STPG2: variants seen among roughly 807,000 people sequenced by gnomAD.
STPG2 encodes sperm tail PG-rich repeat containing 2, also known as sperm-tail PG-rich repeat-containing protein 2.
A neutral mutation model predicts 54.2 loss-of-function variants in STPG2; 56 were observed. The ratio of observed to expected loss-of-function variants is 1.03; its 90% CI spans 0.83 to 1.29. The LOEUF (loss-of-function observed/expected upper bound fraction) is 1.29, where lower values mean the gene tolerates loss of function less well. Among genes scored for constraint, STPG2 ranks in the 50% most tolerant of loss-of-function variants. STPG2 has a pLI of 0.00. For synonymous variants in STPG2, 200 were observed against 181.8 expected, an observed-to-expected ratio of 1.10 and a Z score of -0.81; for missense variants, 596 against 544.9, an observed-to-expected ratio of 1.09 and a Z score of -0.93.
chr4:97,987,318 G>C (rs1291088707), intron 5 of STPG2, among the ~76,000 whole-genome samples: 34 of 152,078 alleles, frequency 2.2e-4, no homozygotes, highest in Non-Finnish European at 5.9e-5. Context: ...GACTTCTCTA[G>C]TTCTTCCATT....
intron 8 of STPG2, among the ~76,000 whole-genome samples, chr4:97,851,738 T>G (rs2149131480): frequency 6.6e-6 from 1 of 152,306 alleles, no homozygotes; most frequent in African/African-American, 2.4e-5. Context: ...TAATATTTAA[T>G]GTGAGATGCA....
rs113058381 is a variant in STPG2 at position 97,770,690 on chromosome 4, G to A, written c.1205-57876C>T. Among the ~76,000 whole-genome samples, 842 of 152,242 alleles carry A rather than the reference G, an allele frequency of 5.5e-3. 4 individuals are homozygous for A. Among genetic ancestry groups the A allele is most frequent in the Middle Eastern group, 0.02 (6 of 294 alleles). On this transcript the variant is annotated intron_variant, in intron 9 of 10. Transcript: ENST00000295268. ...AGTGCTAAAAAGTTCTTGGAATCTG[G>A]ATGTATTTTGAAGATAGATTCCACA...
At chr4:97,606,457 T>G in intron 10 of STPG2, among the ~76,000 whole-genome samples, 1 of 151,956 alleles carries the variant, frequency 6.6e-6, no homozygotes, top group Admixed American at 6.6e-5. Context: ...TGTAAAAATA[T>G]TTTATTGGAA....
At chr4:97,450,126 G>T (rs2148797202) in intron 4 of STPG2, among the ~76,000 whole-genome samples, 1 of 152,002 alleles carries the variant, frequency 6.6e-6, no homozygotes, top group East Asian at 1.9e-4. Context: ...GAACTAAAGA[G>T]AATTATACAT....
At chr4:97,841,707 T>C (rs1728807304) in intron 8 of STPG2, among the ~76,000 whole-genome samples, 1 of 151,812 alleles carries the variant, frequency 6.6e-6, no homozygotes, top group Non-Finnish European at 1.5e-5. Context: ...ATGTGGACTC[T>C]GGCACTAGAC....
chr4:97,616,079 T>TAC (rs1733864163), intron 10 of STPG2, among the ~76,000 whole-genome samples: 1 of 82,482 alleles, frequency 1.2e-5, no homozygotes, highest in Non-Finnish European at 2.8e-5. Flanking sequence ...TATATATATA[T>TAC]ATATATATAT....
intron 5 of STPG2, among the ~76,000 whole-genome samples, chr4:98,015,800 A>G (rs1185897290): frequency 6.6e-6 from 1 of 152,172 alleles, no homozygotes; most frequent in African/African-American, 2.4e-5. Flanking sequence ...AAGACTTGGA[A>G]CCAACCCAAA....
chr4:98,130,938 A>C (rs576167984), intron 2 of STPG2, among the ~76,000 whole-genome samples: 1 of 144,898 alleles, frequency 6.9e-6, no homozygotes, highest in Admixed American at 6.9e-5. Context: ...AAAAAAAAAA[A>C]ACAAAAAAAA....
chr4:97,778,391 G>T (rs1256983397), intron 9 of STPG2, among the ~76,000 whole-genome samples: 1 of 152,198 alleles, frequency 6.6e-6, no homozygotes, highest in African/African-American at 2.4e-5. Context: ...TGGGGGAGGG[G>T]CGTCCAACAT....
rs1195936016 is a variant in STPG2, at chr4:98,100,405, C to T, written c.612+5548G>A. Among the ~76,000 whole-genome samples the T allele has an allele frequency of 7.9e-5, 12 of 151,990 alleles. No individual in the cohort carries two copies. In the East Asian group the frequency reaches 2.3e-3, roughly 29 times the overall value. ...AATTAATCATAAGTTCAGACAAAAACACCATTAAGCATTAAGGGTCAAAAC... is the reference window on the plus strand; with the variant it reads ...AATTAATCATAAGTTCAGACAAAAATACCATTAAGCATTAAGGGTCAAAAC... On this transcript the variant is annotated intron_variant, in intron 5 of 10. Coordinates refer to ENST00000295268, the MANE Select transcript of STPG2 (RefSeq NM_174952.3).
intron 9 of STPG2, among the ~76,000 whole-genome samples, chr4:97,829,930 A>G (rs1728396818): frequency 6.6e-6 from 1 of 152,168 alleles, no homozygotes; most frequent in Admixed American, 6.5e-5. Flanking sequence ...GGAGAATAGA[A>G]CCAAGTTGGA....
At chr4:97,454,543 A>G (rs1378761833) in intron 4 of STPG2, among the ~76,000 whole-genome samples, 6 of 121,892 alleles carry the variant, frequency 4.9e-5, no homozygotes, top group Non-Finnish European at 7.6e-5. Context: ...AAAAAAAAAA[A>G]AAAAAAAAAA....
At chr4:97,861,512 A>C (rs1479149919) in intron 8 of STPG2, among the ~76,000 whole-genome samples, 1 of 152,178 alleles carries the variant, frequency 6.6e-6, no homozygotes. Flanking sequence ...CATGTAACCA[A>C]AAGAAAAGAA....
rs919901081 is a variant in STPG2, at chr4:98,026,650, A to G, written c.613-45332T>C. Among the ~76,000 whole-genome samples the G allele has an allele frequency of 7.9e-5, 12 of 152,176 alleles. No individual in the cohort carries two copies. The South Asian group carries it at 1.2e-3, about 16-fold the overall frequency. On this transcript the variant is annotated intron_variant, in intron 5 of 10. Transcript: ENST00000295268. ...TGCCATTACTTCAGTTGATAACTAC[A>G]TACAGATAAACTCCGGTCCACTGAC...
chr4:97,596,758 C>G (rs1211935202), intron 10 of STPG2, among the ~76,000 whole-genome samples: 1 of 151,954 alleles, frequency 6.6e-6, no homozygotes, highest in Non-Finnish European at 1.5e-5. Flanking sequence ...TGGGACATAG[C>G]TAAAGCAGAG....
At chr4:97,891,138 C>A (rs538392951) in intron 8 of STPG2, among the ~76,000 whole-genome samples, 6 of 152,028 alleles carry the variant, frequency 3.9e-5, no homozygotes, top group Non-Finnish European at 7.4e-5. Flanking sequence ...ATTAGACATA[C>A]TAAATTCTGT....
At chr4:97,945,175 AC>A (rs1733158957) in intron 7 of STPG2, among the ~76,000 whole-genome samples, 1 of 152,064 alleles carries the variant, frequency 6.6e-6, no homozygotes, top group Non-Finnish European at 1.5e-5. Context: ...TGTACATTGT[AC>A]CCAATAAGTA....
intron 10 of STPG2, among the ~76,000 whole-genome samples, chr4:97,670,697 T>C (rs1294496488): frequency 2.0e-5 from 3 of 152,194 alleles, no homozygotes; most frequent in East Asian, 3.8e-4. Flanking sequence ...GAAACTTTAA[T>C]ATCATCTTCC....
At chr4:97,569,586 G>C (rs1013603566) in intron 10 of STPG2, among the ~76,000 whole-genome samples, 2 of 152,122 alleles carry the variant, frequency 1.3e-5, no homozygotes, top group Non-Finnish European at 2.9e-5. Context: ...AAATCCATTA[G>C]TTCATACTGA....
Sources: gnomAD v4.1 joint callset for allele counts (sites outside exome capture counted in the v4.1 genomes callset) on GRCh38, gnomAD v4.1.1 for gene constraint, MANE v1.5 for transcripts, NCBI Gene and HGNC (gene_info 2026-07-23, HGNC 2026-07-21) for gene names.